Variants in FAM107B observed in about 807,000 individuals in gnomAD.
The protein encoded by FAM107B is family with sequence similarity 107 member B.
Under a neutral mutation model 31.5 loss-of-function variants are expected in FAM107B, and 21 were observed. That is an observed-to-expected ratio of 0.67 (90% CI 0.47 to 0.96). The LOEUF (loss-of-function observed/expected upper bound fraction) is 0.96, where lower values mean the gene tolerates loss of function less well. FAM107B is among the 40% of genes least tolerant of loss of function. The pLI, the probability that FAM107B is intolerant of heterozygous loss-of-function variation, is 0.00. For missense variants in FAM107B, 452 were observed against 377.1 expected, an observed-to-expected ratio of 1.20 and a Z score of -1.64; for synonymous variants, 157 against 141.5, an observed-to-expected ratio of 1.11 and a Z score of -0.78.
intron 3 of FAM107B, among the ~76,000 whole-genome samples, chr10:14,525,162 C>A (rs1288226202): frequency 6.6e-6 from 1 of 152,192 alleles, no homozygotes; most frequent in Non-Finnish European, 1.5e-5. Flanking sequence ...ATAGTGTCGA[C>A]AGACAGAAAT....
chr10:14,764,885 A>G (rs886942088), intron 1 of FAM107B, among the ~76,000 whole-genome samples: 2 of 152,244 alleles, frequency 1.3e-5, no homozygotes, highest in Non-Finnish European at 1.5e-5. Flanking sequence ...TAGGTATTTT[A>G]GAAAAATGGG....
chr10:14,614,354 G>C (rs1270170467), intron 2 of FAM107B, among the ~76,000 whole-genome samples: 2 of 151,944 alleles, frequency 1.3e-5, no homozygotes, highest in Non-Finnish European at 2.9e-5. Context: ...TTAGTGGTCG[G>C]GGAGCTGCTG....
intron 2 of FAM107B, among the ~76,000 whole-genome samples, chr10:14,652,994 G>T (rs1588684408): frequency 6.6e-6 from 1 of 152,226 alleles, no homozygotes; most frequent in East Asian, 1.9e-4. Flanking sequence ...GTGATGCATG[G>T]ACTTCTAGAA....
intron 2 of FAM107B, among the ~76,000 whole-genome samples, chr10:14,591,743 G>A (rs369091630): frequency 1.2e-4 from 19 of 152,312 alleles, no homozygotes; most frequent in East Asian, 1.2e-3. Context: ...CTGAGGCAAC[G>A]TTAAGCCAGA....
chr10:14,625,879 A>AAAAAAAAAAAAAAG (rs1853148770), intron 2 of FAM107B, among the ~76,000 whole-genome samples: 1 of 151,628 alleles, frequency 6.6e-6, no homozygotes, highest in African/African-American at 2.4e-5. Flanking sequence ...AAAAAAAAAA[A>AAAAAAAAAAAAAAG]AGCTAATTTC....
chr10:14,718,920 G>A lies in FAM107B; in HGVS notation c.412-51229C>T, dbSNP rs78348525. 1.3e-3 allele frequency among the ~76,000 whole-genome samples: 198 copies of A among 152,304 alleles called. 1 individual carries two copies. The East Asian group carries it at 0.025, about 19-fold the overall frequency. ...TTTTTGACTCTCAACGACCTTGAGA[G>A]GTGGGAAGAGTAAATTTTTATTCCC... On this transcript the variant is annotated intron_variant, in intron 1 of 4. Coordinates refer to ENST00000181796, the MANE Select transcript of FAM107B (RefSeq NM_031453.4).
At chr10:14,685,380 C>T (rs570068473) in intron 1 of FAM107B, among the ~76,000 whole-genome samples, 1 of 152,108 alleles carries the variant, frequency 6.6e-6, no homozygotes, top group Admixed American at 6.6e-5. Flanking sequence ...AACTCCTGGG[C>T]CCAAGCAATC....
intron 2 of FAM107B, among the ~76,000 whole-genome samples, chr10:14,582,331 GT>G (rs1050839169): frequency 1.6e-4 from 24 of 149,680 alleles, no homozygotes; most frequent in African/African-American, 5.6e-4. Context: ...CGAAGTGTAA[GT>G]TATTGCAACC....
At chr10:14,639,240 C>T (rs1481317747) in intron 2 of FAM107B, among the ~76,000 whole-genome samples, 1 of 152,090 alleles carries the variant, frequency 6.6e-6, no homozygotes, top group Non-Finnish European at 1.5e-5. Flanking sequence ...ATATTCAGCT[C>T]ATAGACAGCT....
chr10:14,701,398 C>G (rs775735907), intron 1 of FAM107B, among the ~76,000 whole-genome samples: 4 of 152,026 alleles, frequency 2.6e-5, no homozygotes, highest in Non-Finnish European at 4.4e-5. Flanking sequence ...GCATGCCCCA[C>G]CACCCCTGGC....
At chr10:14,707,403 C>G (rs199989976) in intron 1 of FAM107B, among the ~76,000 whole-genome samples, 3 of 8,508 alleles carry the variant, frequency 3.5e-4, no homozygotes, top group East Asian at 6.7e-3. Context: ...ATCACTCCAG[C>G]AGCTCAGAGA....
chr10:14,530,314 C>T lies in FAM107B; in HGVS notation c.653+18G>A, dbSNP rs370432462. 35 of 1,591,952 alleles carry T rather than the reference C, an allele frequency of 2.2e-5. No homozygotes were observed. Among genetic ancestry groups the T allele is most frequent in the Non-Finnish European group, 3.0e-5 (35 of 1,172,984 alleles). On this transcript the variant is annotated intron_variant, in intron 3 of 4. Coordinates refer to ENST00000181796, the MANE Select transcript of FAM107B (RefSeq NM_031453.4). ...AAAGTCCTCTTAAAAAAAAAATATG[C>T]TCAAGAAACCATTTTACCTTTTTTG...
At chr10:14,767,045 TATATATATATAGAGAGAGAGAGAG>T (rs1439594616) in intron 1 of FAM107B, among the ~76,000 whole-genome samples, 5 of 39,044 alleles carry the variant, frequency 1.3e-4, no homozygotes, top group African/African-American at 3.8e-4. Context: ...TATATATATA[TATATATATATAGAGAGAGAGAGAG>T]AGAGAGAGAG....
intron 2 of FAM107B, among the ~76,000 whole-genome samples, chr10:14,589,641 C>A (rs1433830481): frequency 6.6e-6 from 1 of 151,918 alleles, no homozygotes. Context: ...AATAAGAGTA[C>A]ATTCTTGGGG....
chr10:14,735,261 C>T (rs908030784), intron 1 of FAM107B, among the ~76,000 whole-genome samples: 12 of 152,070 alleles, frequency 7.9e-5, no homozygotes, highest in Admixed American at 2.6e-4. Flanking sequence ...AATTCATAAA[C>T]TTTCTTAAAA....
intron 2 of FAM107B, among the ~76,000 whole-genome samples, chr10:14,577,921 G>T (rs1389485535): frequency 2.0e-5 from 3 of 152,078 alleles, no homozygotes; most frequent in Non-Finnish European, 4.4e-5. Context: ...TGAGTTACAC[G>T]AAGTTTTTTA....
At chr10:14,577,020 AT>A (rs573680851) in intron 2 of FAM107B, among the ~76,000 whole-genome samples, 2 of 152,328 alleles carry the variant, frequency 1.3e-5, no homozygotes, top group South Asian at 4.1e-4. Context: ...GTTTCTTCAT[AT>A]TGTCAATGTA....
chr10:14,708,138 C>T (rs1420358920), intron 1 of FAM107B, among the ~76,000 whole-genome samples: 5 of 151,956 alleles, frequency 3.3e-5, no homozygotes, highest in Non-Finnish European at 5.9e-5. Context: ...AGTGAAGTGG[C>T]ACAATCTCGG....
intron 2 of FAM107B, among the ~76,000 whole-genome samples, chr10:14,588,990 T>C (rs1174992008): frequency 6.6e-6 from 1 of 151,966 alleles, no homozygotes; most frequent in Non-Finnish European, 1.5e-5. Context: ...GAGACCAGCC[T>C]GGTCAACGTG....
Sources: gnomAD v4.1 joint callset for allele counts (sites outside exome capture counted in the v4.1 genomes callset) on GRCh38, gnomAD v4.1.1 for gene constraint, MANE v1.5 for transcripts, NCBI Gene and HGNC (gene_info 2026-07-23, HGNC 2026-07-21) for gene names.